FRMPD1: variants seen among roughly 807,000 people sequenced by gnomAD.
FRMPD1 encodes FERM and PDZ domain containing 1.
A neutral mutation model predicts 117.8 loss-of-function variants in FRMPD1; 76 were observed. The observed-to-expected ratio is 0.65, with a 90% CI of 0.54 to 0.78. FRMPD1 has a LOEUF of 0.78. Among genes scored for constraint, FRMPD1 ranks in the 30% least tolerant of loss-of-function variants. FRMPD1 has a pLI of 0.00. For missense variants in FRMPD1, 1,786 were observed against 1,964.5 expected (o/e 0.91, Z 1.72); for synonymous variants, 783 against 770.4 (o/e 1.02, Z -0.27).
Position 37,692,698 on chromosome 9 carries a change from A to C in FRMPD1, c.57A>C (p.Gln19His). The C allele has an allele frequency of 6.2e-7, 1 of 1,614,074 alleles. No individual in the cohort carries two copies. Among genetic ancestry groups the C allele is most frequent in the Non-Finnish European group, 8.5e-7 (1 of 1,179,946 alleles). ...FQTRKAHRIE[Q>H]MVARWLRRSR... is the part of the protein sequence containing the mutation. Reference sequence around the variant, plus strand: ...CACGGAAAGCACATAGAATAGAACAAATGGTGGCAAGATGGCTTCGGCGCT... The same window carrying C: ...CACGGAAAGCACATAGAATAGAACACATGGTGGCAAGATGGCTTCGGCGCT... The change falls in exon 2 of 16, where the codon CAA becomes CAC. Residue 19 changes from glutamine (Q) to histidine (H), a missense_variant. Coordinates refer to ENST00000377765, the MANE Select transcript of FRMPD1 (RefSeq NM_014907.3).
intron 6 of FRMPD1, among the ~76,000 whole-genome samples, chr9:37,722,808 A>C (rs1823455357): frequency 6.6e-6 from 1 of 151,704 alleles, no homozygotes; most frequent in Non-Finnish European, 1.5e-5. Context: ...TTTAAGTTTT[A>C]GGGTACATGT....
the FRMPD1 span, among the ~76,000 whole-genome samples, chr9:37,637,846 G>A: frequency 2.6e-5 from 4 of 152,248 alleles, no homozygotes; most frequent in African/African-American, 9.6e-5. Flanking sequence ...AAATGGTTGC[G>A]CGGATAGTGA....
chr9:37,729,787 G>C lies in FRMPD1; in HGVS notation c.672G>C (p.Leu224=), dbSNP rs755150329. ...LSIRSIEYFA[L]ALEEQYSISR... ...TCCGAAGTATCGAGTACTTTGCACT[G>C]GCCCTGGAAGAGCAGTACAGCATCT... The change falls in exon 8 of 16, where the codon CTG becomes CTC. Residue 224 remains leucine, a synonymous_variant. Coordinates refer to ENST00000377765, the MANE Select transcript of FRMPD1 (RefSeq NM_014907.3). 3 of 1,613,754 alleles carry C rather than the reference G, an allele frequency of 1.9e-6. No individual in the cohort carries two copies. The highest frequency in any genetic ancestry group is 2.5e-6 in the Non-Finnish European group (3 of 1,179,822).
chr9:37,660,172 C>T (rs1033549025), intron 1 of FRMPD1, among the ~76,000 whole-genome samples: 23 of 151,262 alleles, frequency 1.5e-4, no homozygotes, highest in African/African-American at 7.3e-5. Context: ...GGAGGAGAGG[C>T]GGGGAGGGAG....
chr9:37,637,909 T>C, the FRMPD1 span, among the ~76,000 whole-genome samples: 2 of 146,446 alleles, frequency 1.4e-5, no homozygotes, highest in African/African-American at 2.4e-5. Flanking sequence ...AGCTTTTGAA[T>C]AACCCACAAC....
the FRMPD1 span, among the ~76,000 whole-genome samples, chr9:37,639,845 G>A: frequency 6.6e-6 from 1 of 152,146 alleles, no homozygotes. Flanking sequence ...ATTTTTTGTA[G>A]AGACTGCGTT....
intron 1 of FRMPD1, among the ~76,000 whole-genome samples, chr9:37,666,055 C>G (rs990110220): frequency 6.6e-6 from 1 of 152,122 alleles, no homozygotes; most frequent in African/African-American, 2.4e-5. Context: ...ATTACCTCAT[C>G]GTTAATTTTC....
At chr9:37,731,700 C>T (rs543841922) in intron 9 of FRMPD1, among the ~76,000 whole-genome samples, 16 of 152,106 alleles carry the variant, frequency 1.1e-4, no homozygotes, top group Middle Eastern at 3.4e-3. Flanking sequence ...GGTGAAACCC[C>T]GTCTCTACCA....
chr9:37,666,607 C>T (rs541480170), intron 1 of FRMPD1, among the ~76,000 whole-genome samples: 25 of 152,282 alleles, frequency 1.6e-4, no homozygotes, highest in Admixed American at 1.3e-3. Context: ...ACAAAGCCTT[C>T]CCTGATAGCT....
At chr9:37,636,110 C>A in the FRMPD1 span, among the ~76,000 whole-genome samples, 3 of 152,176 alleles carry the variant, frequency 2.0e-5, no homozygotes, top group East Asian at 5.8e-4. Context: ...CAGACCCCAC[C>A]GCAGCTGGAC....
At chr9:37,626,622 G>GAAA in the FRMPD1 span, among the ~76,000 whole-genome samples, 213 of 48,624 alleles carry the variant, frequency 4.4e-3, 23 homozygotes, top group African/African-American at 0.017. Flanking sequence ...CCTGGTATCT[G>GAAA]AAAAAAAAAA....
chr9:37,720,402 C>T (rs923100624), intron 6 of FRMPD1, among the ~76,000 whole-genome samples: 7 of 152,180 alleles, frequency 4.6e-5, no homozygotes, highest in African/African-American at 9.7e-5. Context: ...CGGTGGCTCA[C>T]GCCTGTAATC....
the FRMPD1 span, among the ~76,000 whole-genome samples, chr9:37,624,048 C>G: frequency 0.026 from 4,001 of 152,174 alleles, 170 homozygotes; most frequent in African/African-American, 0.092. Context: ...AATGAAGGCA[C>G]TACTTGCAGA....
chr9:37,695,741 C>G lies in FRMPD1; in HGVS notation c.101+2999C>G, dbSNP rs149029131. ...CTCCTTGAATCCCCTGCATCCACCC[C>G]ATCAGCAGCTCCTATCAGTTTGCCT... is the stretch of plus-strand genomic sequence containing the variant. On this transcript the variant is annotated intron_variant, in intron 2 of 15. Transcript: ENST00000377765. Among the ~76,000 whole-genome samples, 81 of 152,308 alleles carry G rather than the reference C, an allele frequency of 5.3e-4. No individual in the cohort carries two copies. The East Asian group carries it at 0.015, about 28-fold the overall frequency.
the FRMPD1 span, among the ~76,000 whole-genome samples, chr9:37,630,072 T>C: frequency 3.3e-5 from 5 of 152,258 alleles, no homozygotes; most frequent in East Asian, 3.9e-4. Flanking sequence ...CTAAGCCTAT[T>C]TGTGAGGGCT....
intron 10 of FRMPD1, 107 bp from the exon 11 acceptor site, chr9:37,733,366 G>A (rs1302525872): frequency 9.6e-7 from 1 of 1,047,052 alleles, no homozygotes; most frequent in Non-Finnish European, 1.4e-6. Context: ...GCTCGTAATT[G>A]CTGTATTATG....
At chr9:37,619,441 T>C in the FRMPD1 span, among the ~76,000 whole-genome samples, 1 of 151,904 alleles carries the variant, frequency 6.6e-6, no homozygotes, top group Non-Finnish European at 1.5e-5. Context: ...AATATAGAAA[T>C]GGAGTAGGGC....
chr9:37,672,455 C>T (rs773713331), intron 1 of FRMPD1, among the ~76,000 whole-genome samples: 6 of 152,168 alleles, frequency 3.9e-5, no homozygotes, highest in African/African-American at 7.2e-5. Flanking sequence ...GCAGGTACCA[C>T]TTACGAAGGG....
At chr9:37,690,897 A>C (rs991188670) in intron 1 of FRMPD1, among the ~76,000 whole-genome samples, 1 of 152,200 alleles carries the variant, frequency 6.6e-6, no homozygotes, top group East Asian at 1.9e-4. Flanking sequence ...AGAGTGTGGA[A>C]AGAGGCCAAA....
Sources: allele counts gnomAD v4.1 joint callset (sites outside exome capture counted in the v4.1 genomes callset), GRCh38; gene constraint gnomAD v4.1.1; transcripts MANE v1.5; gene names NCBI Gene and HGNC (gene_info 2026-07-23, HGNC 2026-07-21).